Variants in DPYD observed in about 807,000 individuals in gnomAD.
DPYD encodes the protein dihydropyrimidine dehydrogenase, also known as dihydropyrimidine dehydrogenase [NADP(+)].
A neutral mutation model predicts 116.2 loss-of-function variants in DPYD; 109 were observed. The ratio of observed to expected loss-of-function variants is 0.94; its 90% confidence interval spans 0.80 to 1.10. DPYD has a LOEUF of 1.10. DPYD is among the 50% of genes least tolerant of loss of function. The pLI, the probability that DPYD is intolerant of heterozygous loss-of-function variation, is 0.00. For synonymous variants in DPYD, 440 were observed against 432.0 expected (o/e 1.02, Z -0.23); for missense variants, 1,302 against 1,254.5 (o/e 1.04, Z -0.57).
intron 14 of DPYD, among the ~76,000 whole-genome samples, chr1:97,435,173 G>A (rs1476098006): frequency 6.6e-6 from 1 of 151,658 alleles, no homozygotes; most frequent in Non-Finnish European, 1.5e-5. Context: ...CTCTAACATG[G>A]TTATGAAATA....
intron 8 of DPYD, among the ~76,000 whole-genome samples, chr1:97,597,431 A>G (rs1654960160): frequency 6.6e-6 from 1 of 152,172 alleles, no homozygotes. Flanking sequence ...CTTTGGTATG[A>G]GTCCTTCCTC....
intron 12 of DPYD, among the ~76,000 whole-genome samples, chr1:97,543,683 C>T (rs1427029752): frequency 6.6e-6 from 1 of 150,552 alleles, no homozygotes; most frequent in African/African-American, 2.4e-5. Flanking sequence ...ATATTATATG[C>T]TAATGAACTT....
At chr1:97,723,185 G>A (rs1222994176) in intron 4 of DPYD, among the ~76,000 whole-genome samples, 6 of 151,520 alleles carry the variant, frequency 4.0e-5, no homozygotes, top group Non-Finnish European at 5.9e-5. Flanking sequence ...CTTGTTCAGT[G>A]TCCCTTCAGC....
intron 16 of DPYD, among the ~76,000 whole-genome samples, chr1:97,368,979 A>G (rs947890664): frequency 3.9e-5 from 6 of 152,160 alleles, no homozygotes; most frequent in African/African-American, 1.4e-4. Context: ...CAACCACAAC[A>G]ATACAAAGGC....
intron 14 of DPYD, among the ~76,000 whole-genome samples, chr1:97,434,376 T>A (rs1675347484): frequency 6.6e-6 from 1 of 152,102 alleles, no homozygotes; most frequent in Non-Finnish European, 1.5e-5. Context: ...TTGCTTCATG[T>A]ACACAATGGA....
chr1:97,510,469 T>C (rs1237457588), intron 13 of DPYD, among the ~76,000 whole-genome samples: 1 of 151,938 alleles, frequency 6.6e-6, no homozygotes, highest in Non-Finnish European at 1.5e-5. Flanking sequence ...TAAAACCAAA[T>C]AATCTCATAG....
chr1:97,384,572 G>A (rs1327419695), intron 14 of DPYD, among the ~76,000 whole-genome samples: 1 of 152,050 alleles, frequency 6.6e-6, no homozygotes, highest in Non-Finnish European at 1.5e-5. Flanking sequence ...AGTAGAAATG[G>A]ATACCATAAG....
At chr1:97,628,033 G>C (rs994245724) in intron 8 of DPYD, among the ~76,000 whole-genome samples, 6 of 151,936 alleles carry the variant, frequency 3.9e-5, no homozygotes, top group Admixed American at 1.3e-4. Flanking sequence ...GAATGAAAGG[G>C]CAGGTTCCTA....
chr1:97,584,250 T>C (rs1653920765), intron 10 of DPYD, among the ~76,000 whole-genome samples: 1 of 152,092 alleles, frequency 6.6e-6, no homozygotes, highest in Non-Finnish European at 1.5e-5. Context: ...TGCCCACTTT[T>C]TGACGGGGTT....
At chr1:97,584,168 T>C (rs2102221801) in intron 10 of DPYD, among the ~76,000 whole-genome samples, 1 of 152,354 alleles carries the variant, frequency 6.6e-6, no homozygotes, top group South Asian at 2.1e-4. Flanking sequence ...TGGCCAGTGA[T>C]GATGAGCATT....
intron 7 of DPYD, among the ~76,000 whole-genome samples, chr1:97,688,810 A>T (rs1660868538): frequency 6.6e-6 from 1 of 151,970 alleles, no homozygotes; most frequent in Non-Finnish European, 1.5e-5. Context: ...AAAAATACTA[A>T]CCAATTGAAT....
At chr1:97,706,492 T>A (rs1342239032) in intron 5 of DPYD, among the ~76,000 whole-genome samples, 2 of 152,044 alleles carry the variant, frequency 1.3e-5, no homozygotes, top group Non-Finnish European at 2.9e-5. Flanking sequence ...TCTTTCACTG[T>A]CCTAAAAATC....
At chr1:97,321,714 C>T (rs1570514816) in intron 16 of DPYD, among the ~76,000 whole-genome samples, 1 of 14,022 alleles carries the variant, frequency 7.1e-5, no homozygotes, top group East Asian at 2.7e-3. Flanking sequence ...TACCATTTGA[C>T]CCAGCCATCC....
chr1:97,847,441 T>A (rs2101553968), intron 2 of DPYD, among the ~76,000 whole-genome samples: 2 of 152,282 alleles, frequency 1.3e-5, no homozygotes, highest in South Asian at 4.1e-4. Context: ...GAAAAAGGAT[T>A]CCTAGTGCCA....
chr1:97,632,450 C>T (rs543457916), intron 8 of DPYD, among the ~76,000 whole-genome samples: 1 of 152,208 alleles, frequency 6.6e-6, no homozygotes, highest in East Asian at 1.9e-4. Context: ...GATAATTAGT[C>T]ATACTACTAC....
chr1:97,530,187 T>G (rs1169606263), intron 12 of DPYD, among the ~76,000 whole-genome samples: 2 of 151,352 alleles, frequency 1.3e-5, no homozygotes, highest in Non-Finnish European at 2.9e-5. Context: ...TTCTCTTGGA[T>G]GTATACATCA....
intron 19 of DPYD, among the ~76,000 whole-genome samples, chr1:97,201,986 C>T (rs1245390222): frequency 6.6e-6 from 1 of 151,084 alleles, no homozygotes; most frequent in Non-Finnish European, 1.5e-5. Context: ...AAGGAGAGGG[C>T]TTATTTCAGC....
chr1:97,908,311 G>A (rs543111686), intron 1 of DPYD, among the ~76,000 whole-genome samples: 49 of 152,112 alleles, frequency 3.2e-4, no homozygotes, highest in African/African-American at 1.2e-3. Context: ...CTCCCAAAGT[G>A]CTGGGATTAC....
chr1:97,532,431 T>C (rs1453972131), intron 12 of DPYD, among the ~76,000 whole-genome samples: 1 of 152,178 alleles, frequency 6.6e-6, no homozygotes, highest in Non-Finnish European at 1.5e-5. Context: ...TTCTACTTTT[T>C]ACAAGCCTTT....
Sources: gnomAD v4.1 joint callset for allele counts (sites outside exome capture counted in the v4.1 genomes callset) on GRCh38, gnomAD v4.1.1 for gene constraint, MANE v1.5 for transcripts, NCBI Gene and HGNC (gene_info 2026-07-23, HGNC 2026-07-21) for gene names.